KCNMB4: variants seen among roughly 807,000 people sequenced by gnomAD.
KCNMB4 encodes the protein potassium calcium-activated channel subfamily M regulatory beta subunit 4.
KCNMB4 carries 3 observed loss-of-function variants against 20.7 expected under a neutral mutation model. That is an observed-to-expected ratio of 0.14 (90% CI 0.07 to 0.37). KCNMB4 has a LOEUF of 0.37. KCNMB4 is among the 10% of genes least tolerant of loss of function. The pLI is 1.00. For synonymous variants in KCNMB4, 110 were observed against 113.4 expected (o/e 0.97, Z 0.19); for missense variants, 168 against 265.9 (o/e 0.63, Z 2.56).
At chr12:70,425,334 A>T (rs1246405934) in intron 2 of KCNMB4, among the ~76,000 whole-genome samples, 4 of 152,156 alleles carry the variant, frequency 2.6e-5, no homozygotes, top group Admixed American at 1.3e-4. Context: ...GCTACTCGGG[A>T]GGCTGAGGCA....
At chr12:70,418,171 A>G (rs1176652838) in intron 2 of KCNMB4, among the ~76,000 whole-genome samples, 2 of 152,188 alleles carry the variant, frequency 1.3e-5, no homozygotes, top group Non-Finnish European at 1.5e-5. Flanking sequence ...CAAATTCTAA[A>G]GCTCTTGCCA....
At chr12:70,387,398 A>ATTTTTTT (rs200125786) in intron 1 of KCNMB4, among the ~76,000 whole-genome samples, 5 of 123,990 alleles carry the variant, frequency 4.0e-5, no homozygotes, top group South Asian at 2.5e-4. Context: ...AAATTTTTTA[A>ATTTTTTT]TTTTTTTTTT....
intron 1 of KCNMB4, among the ~76,000 whole-genome samples, chr12:70,392,356 A>G (rs1293917022): frequency 6.6e-6 from 1 of 152,166 alleles, no homozygotes; most frequent in African/African-American, 2.4e-5. Flanking sequence ...GAGAAATAGG[A>G]ATGCTTTTAC....
intron 2 of KCNMB4, among the ~76,000 whole-genome samples, chr12:70,401,136 G>A (rs140241702): frequency 0.02 from 3,061 of 152,146 alleles, 68 homozygotes; most frequent in East Asian, 0.1. Context: ...AGTGATTCTT[G>A]TGCCTCAGCC....
At chr12:70,404,327 G>T (rs1868536945) in intron 2 of KCNMB4, among the ~76,000 whole-genome samples, 1 of 152,050 alleles carries the variant, frequency 6.6e-6, no homozygotes, top group African/African-American at 2.4e-5. Flanking sequence ...ATGTATACTG[G>T]CTGGGAAAGA....
intron 1 of KCNMB4, among the ~76,000 whole-genome samples, chr12:70,394,619 G>A (rs543615708): frequency 7.0e-4 from 106 of 152,136 alleles, no homozygotes; most frequent in Non-Finnish European, 9.4e-4. Context: ...GTGTGTGTGC[G>A]CGCCCATGCA....
intron 1 of KCNMB4, among the ~76,000 whole-genome samples, chr12:70,392,481 T>A (rs1868307610): frequency 6.6e-6 from 1 of 152,196 alleles, no homozygotes; most frequent in Non-Finnish European, 1.5e-5. Context: ...CTGGGTATAC[T>A]GGGTGTATAC....
At chr12:70,420,473 A>G (rs1276427403) in intron 2 of KCNMB4, among the ~76,000 whole-genome samples, 1 of 152,280 alleles carries the variant, frequency 6.6e-6, no homozygotes, top group South Asian at 2.1e-4. Context: ...GAGTGATGCC[A>G]GGGAGGGGGC....
intron 1 of KCNMB4, among the ~76,000 whole-genome samples, chr12:70,395,697 T>G (rs1268057125): frequency 2.6e-5 from 4 of 152,222 alleles, no homozygotes; most frequent in Non-Finnish European, 5.9e-5. Flanking sequence ...TCCATGAACT[T>G]TGTTCATGAA....
rs35371839 is a variant in KCNMB4, at chr12:70,407,460, C to CTTTTTT, written c.464+7144_464+7149dup. On this transcript the variant is annotated intron_variant, in intron 2 of 2. Transcript: ENST00000258111. The stretch of plus-strand genomic sequence containing the variant: ...GGCTAGAGAGAGGTGGTGCTGAATT[C>CTTTTTT]TTTTTTTTTTTTTTTTTTTTTTTTT... Among the ~76,000 whole-genome samples, 196 of 64,190 alleles carry CTTTTTT rather than the reference C, an allele frequency of 3.1e-3. 15 individuals are homozygous for CTTTTTT. The highest frequency in any genetic ancestry group is 0.011 in the East Asian group (18 of 1,646). The allele number at this position is 64,190 out of a possible 152,430, so 42.1% of individuals were successfully genotyped here. A position where few individuals can be genotyped will look rare whatever the true frequency, so the allele number is the denominator to read the frequency against.
At chr12:70,391,919 T>G (rs981312812) in intron 1 of KCNMB4, among the ~76,000 whole-genome samples, 1 of 152,098 alleles carries the variant, frequency 6.6e-6, no homozygotes, top group Non-Finnish European at 1.5e-5. Flanking sequence ...ATTGTAAGAG[T>G]ATGTGAAATG....
At chr12:70,381,828 C>T (rs1883792054) in intron 1 of KCNMB4, among the ~76,000 whole-genome samples, 1 of 152,118 alleles carries the variant, frequency 6.6e-6, no homozygotes, top group Non-Finnish European at 1.5e-5. Flanking sequence ...GTGCAATCTA[C>T]TAAAAACCAT....
chr12:70,389,317 T>C (rs17226248), intron 1 of KCNMB4, among the ~76,000 whole-genome samples: 16,881 of 152,248 alleles, frequency 0.11, 1,246 homozygotes, highest in Non-Finnish European at 0.17. Context: ...TCCTGCAGAA[T>C]TGTAAAACCC....
chr12:70,423,962 C>G (rs565694127), intron 2 of KCNMB4, among the ~76,000 whole-genome samples: 1 of 152,198 alleles, frequency 6.6e-6, no homozygotes, highest in East Asian at 1.9e-4. Flanking sequence ...AAAAAGCATA[C>G]ACATTTTATC....
intron 2 of KCNMB4, among the ~76,000 whole-genome samples, chr12:70,424,458 A>AG (rs11442622): frequency 6.8e-6 from 1 of 147,342 alleles, no homozygotes; most frequent in African/African-American, 2.5e-5. Context: ...AAAAAAAAAA[A>AG]TATTGCAAAG....
chr12:70,371,281 A>G (rs573925094), intron 1 of KCNMB4, among the ~76,000 whole-genome samples: 1 of 152,312 alleles, frequency 6.6e-6, no homozygotes, highest in African/African-American at 2.4e-5. Flanking sequence ...TGCATTAAGG[A>G]GAAGAAAAAC....
In KCNMB4 at chr12:70,366,902, G is replaced by T. The variant is rs751639013; in HGVS notation, c.168G>T (p.Val56=). 14 of 1,613,558 alleles carry T rather than the reference G, an allele frequency of 8.7e-6. No individual in the cohort carries two copies. The highest frequency in any genetic ancestry group is 1.1e-5 in the South Asian group (1 of 91,062). ...AAGCCACGGAGGCCAATTGCACGGTGCTGTCGGTGCAGCAGATCGGCGAGG... is the reference window on the plus strand; with the variant it reads ...AAGCCACGGAGGCCAATTGCACGGTTCTGTCGGTGCAGCAGATCGGCGAGG... ...DLQATEANCT[V]LSVQQIGEVF... Residue 56 remains valine (V), a synonymous_variant, in exon 1 of 3, where the codon GTG becomes GTT. Coordinates refer to ENST00000258111, the MANE Select transcript of KCNMB4 (RefSeq NM_014505.6).
intron 2 of KCNMB4, among the ~76,000 whole-genome samples, chr12:70,426,249 G>A (rs146078816): frequency 0.027 from 4,027 of 151,328 alleles, 180 homozygotes; most frequent in African/African-American, 0.091. Flanking sequence ...AGCCAAGATC[G>A]TGCCACTGCA....
chr12:70,388,973 T>G (rs1175373514), intron 1 of KCNMB4, among the ~76,000 whole-genome samples: 2 of 152,128 alleles, frequency 1.3e-5, no homozygotes, highest in African/African-American at 4.8e-5. Flanking sequence ...TAGGGCTTTT[T>G]TTTTTTTCTG....
Sources: allele counts gnomAD v4.1 joint callset (sites outside exome capture counted in the v4.1 genomes callset), GRCh38; gene constraint gnomAD v4.1.1; transcripts MANE v1.5; gene names NCBI Gene and HGNC (gene_info 2026-07-23, HGNC 2026-07-21).